Variants in FDX2 observed in about 807,000 individuals in gnomAD.
The protein encoded by FDX2 is ferredoxin-2, mitochondrial.
FDX2 carries 13 observed loss-of-function variants against 18.5 expected under a neutral mutation model. That is an observed-to-expected ratio of 0.70 (90% confidence interval 0.46 to 1.12). FDX2 has a LOEUF of 1.12. Ranked by LOEUF, FDX2 falls within the 50% of genes most tolerant of loss-of-function variation. The pLI is 0.00. For missense variants in FDX2, 238 were observed against 250.4 expected (o/e 0.95, Z 0.34); for synonymous variants, 132 against 106.2 (o/e 1.24, Z -1.49).
rs2040378866 is a variant in FDX2, at chr19:10,315,880, C to T, written c.126G>A (p.Leu42=). Residue 42 remains leucine (L), a synonymous_variant, in exon 1 of 5, where the codon CTG becomes CTA. Transcript: ENST00000393708. ...TCGCTTGAAACTTTCTGGTTGTCCCCAGCGCCACCCCCTCCCCCGACCCGG... is the reference window on the plus strand; with the variant it reads ...TCGCTTGAAACTTTCTGGTTGTCCCTAGCGCCACCCCCTCCCCCGACCCGG... 3 of 1,601,666 alleles carry T rather than the reference C, an allele frequency of 1.9e-6. No individual in the cohort carries two copies. The highest frequency in any genetic ancestry group is 2.6e-6 in the Non-Finnish European group (3 of 1,176,154).
Position 10,313,672 on chromosome 19 carries a change from T to TATATATATATATATATATATATA in FDX2, c.316+1713_316+1714insTATATATATATATATATATATAT, listed in dbSNP as rs1491344383. Among the ~76,000 whole-genome samples the TATATATATATATATATATATATA allele has an allele frequency of 3.5e-4, 8 of 22,724 alleles. 1 individual carries two copies. Among genetic ancestry groups the TATATATATATATATATATATATA allele is most frequent in the African/African-American group, 6.0e-4 (3 of 5,028 alleles). The allele number at this position is 22,724 out of a possible 152,430, so 14.9% of individuals were successfully genotyped here. ...AGACATATATATATATATATATATA[T>TATATATATATATATATATATATA]TTTTTTTTTTTTTTTTTTTTTTTTT... On this transcript the variant is annotated intron_variant, in intron 3 of 4. Coordinates refer to ENST00000393708, the MANE Select transcript of FDX2 (RefSeq NM_001031734.4).
Position 10,315,778 on chromosome 19 carries a change from T to C in FDX2, c.155-19A>G. ...CGCGAGCCTGGAAAACACGGTTCGG[T>C]GAGCGGCTGCGCCGAGCCCCGCCCC... On this transcript the variant is annotated intron_variant, in intron 1 of 4. Transcript: ENST00000393708. The C allele has an allele frequency of 6.2e-7, 1 of 1,603,256 alleles. No individual in the cohort carries two copies. The highest frequency in any genetic ancestry group is 8.5e-7 in the Non-Finnish European group (1 of 1,175,746).
rs60538704 is a variant in FDX2 at position 10,312,172 on chromosome 19, ATTTTTTTT to A, written c.317-1240_317-1233del. 1.3e-3 allele frequency among the ~76,000 whole-genome samples: 104 copies of A among 82,550 alleles called. 2 individuals are homozygous for A. The highest frequency in any genetic ancestry group is 5.2e-4 in the Admixed American group (3 of 5,814). 54.2% of individuals were successfully genotyped at this position (82,550 alleles called of 152,430 possible). A position where few individuals can be genotyped will look rare whatever the true frequency, so the allele number is the denominator to read the frequency against. Reference sequence around the variant, plus strand: ...GGTGTGAGCCACCGCACCTGGCCATATTTTTTTTTTTTTTTTTTTTTTTTGTAGAGACG... The same window carrying A: ...GGTGTGAGCCACCGCACCTGGCCATATTTTTTTTTTTTTTTTGTAGAGACG... On this transcript the variant is annotated intron_variant, in intron 3 of 4. Transcript: ENST00000393708.
At chr19:10,314,521 T>A (rs1186647803) in intron 3 of FDX2, among the ~76,000 whole-genome samples, 1 of 151,372 alleles carries the variant, frequency 6.6e-6, no homozygotes, top group African/African-American at 2.4e-5. Flanking sequence ...TGAGGTATGA[T>A]TGCATCATGG....
rs555333925 is a variant in FDX2, at chr19:10,310,635, C to T, written c.412G>A (p.Asp138Asn). Residue 138 changes from aspartate to asparagine, a missense_variant, in exon 5 of 5, where the codon GAC becomes AAC. Asp to Asn is a conservative substitution (Grantham distance 23). Coordinates refer to ENST00000393708, the MANE Select transcript of FDX2 (RefSeq NM_001031734.4). ...AGGAGGGGGGCCATGTCTAGCATGT[C>T]GTCTTCCCTAGGGTGGTGACACGGG... The T allele has an allele frequency of 1.4e-5, 22 of 1,556,420 alleles. No homozygotes were observed. The highest frequency in any genetic ancestry group is 5.2e-5 in the Admixed American group (3 of 57,580).
rs1241931509 is a variant in FDX2, at chr19:10,315,903, C to T, written c.103G>A (p.Gly35Arg). ...CCCAGCGCCACCCCCTCCCCCGACC[C>T]GGAAGTGCCCCCAGGTCTGTTCCAC... Residue 35 changes from glycine to arginine, a missense_variant, in exon 1 of 5, where the codon GGG (glycine) becomes AGG (arginine). Gly to Arg is a moderately radical substitution (Grantham distance 125). Transcript: ENST00000393708. 1 of 1,607,788 alleles carries T rather than the reference C, an allele frequency of 6.2e-7. No individual in the cohort carries two copies. Among genetic ancestry groups the T allele is most frequent in the Non-Finnish European group, 8.5e-7 (1 of 1,178,240 alleles).
intron 2 of FDX2, 23 bp downstream of exon 2, chr19:10,315,682 G>C: frequency 6.5e-7 from 1 of 1,545,606 alleles, no homozygotes; most frequent in Non-Finnish European, 8.7e-7. Context: ...TGAGGAATGG[G>C]GGACTTGGCC....
Position 10,310,647 on chromosome 19 carries a change from G to C in FDX2, c.405-5C>G. The C allele has an allele frequency of 2.5e-6, 4 of 1,613,470 alleles. No individual in the cohort carries two copies. Among genetic ancestry groups the C allele is most frequent in the Admixed American group, 1.7e-5 (1 of 59,974 alleles). ...ATGTCTAGCATGTCGTCTTCCCTAG[G>C]GTGGTGACACGGGCAGTGTTAGCCG... is the stretch of plus-strand genomic sequence containing the variant. On this transcript the variant is annotated splice_polypyrimidine_tract_variant and splice_region_variant and intron_variant, in intron 4 of 4. Transcript: ENST00000393708.
intron 3 of FDX2, 44 bp from the exon 4 acceptor site, chr19:10,310,984 A>G: frequency 6.9e-7 from 1 of 1,440,134 alleles, no homozygotes; most frequent in Non-Finnish European, 9.6e-7. Flanking sequence ...TGGCAGAGTC[A>G]GGAAGGGGCT....
At position 10,315,979 on chromosome 19, in the gene FDX2, G is replaced by A. The variant is rs781316819; in HGVS notation, c.27C>T (p.Ala9=). Residue 9 remains alanine, a synonymous_variant, in exon 1 of 5, where the codon GCC becomes GCT. Coordinates refer to ENST00000393708, the MANE Select transcript of FDX2 (RefSeq NM_001031734.4). ...GAACCCTGGCACTCACGCCTCCCCG[G>A]GCCATGGAGGCGGCCATGACATGCA... 2.5e-6 allele frequency: 4 copies of A among 1,606,020 alleles called. No individual in the cohort carries two copies. The highest frequency in any genetic ancestry group is 1.1e-5 in the South Asian group (1 of 90,134).
chr19:10,310,972 A>C, intron 3 of FDX2, 32 bp from the exon 4 acceptor site: 7 of 1,530,988 alleles, frequency 4.6e-6, no homozygotes, highest in Non-Finnish European at 6.3e-6. Flanking sequence ...GGCGCAGGTG[A>C]GTGGCAGAGT....
Position 10,315,418 on chromosome 19 carries a change from T to C in FDX2, c.284A>G (p.His95Arg), listed in dbSNP as rs1599294425. The change falls in exon 3 of 5, where the codon CAC becomes CGC. Residue 95 changes from histidine to arginine, a missense_variant. By Grantham distance (29) the His-to-Arg change is conservative. Coordinates refer to ENST00000393708, the MANE Select transcript of FDX2 (RefSeq NM_001031734.4). ...GTCCACCCCGTGGCGCTGGGCCAGGTGAAGAACATTGTCCCCGACTCTGCC... is the reference window on the plus strand; with the variant it reads ...GTCCACCCCGTGGCGCTGGGCCAGGCGAAGAACATTGTCCCCGACTCTGCC... 1 of 1,595,988 alleles carries C rather than the reference T, an allele frequency of 6.3e-7. No individual in the cohort carries two copies. The highest frequency in any genetic ancestry group is 2.3e-5 in the East Asian group (1 of 43,910).
rs1206271302 is a variant in FDX2 at position 10,310,871 on chromosome 19, A to C, written c.386T>G (p.Leu129Arg). Reference sequence around the variant, plus strand: ...CACTCACCTCTCCTCGGGAGGAGGCAGGAGATCCAGGTGGTCTTCACTCAC... The same window carrying C: ...CACTCACCTCTCCTCGGGAGGAGGCCGGAGATCCAGGTGGTCTTCACTCAC... Residue 129 changes from leucine to arginine, a missense_variant, in exon 4 of 5, where the codon CTG becomes CGG. Coordinates refer to ENST00000393708, the MANE Select transcript of FDX2 (RefSeq NM_001031734.4). The C allele has an allele frequency of 2.5e-6, 4 of 1,613,902 alleles. No individual in the cohort carries two copies. Among genetic ancestry groups the C allele is most frequent in the Non-Finnish European group, 3.4e-6 (4 of 1,179,940 alleles).
At chr19:10,311,040 C>T in intron 3 of FDX2, 100 bp from the exon 4 acceptor site, 2 of 779,362 alleles carry the variant, frequency 2.6e-6, no homozygotes, top group Non-Finnish European at 4.1e-6. Context: ...CCACCACGTG[C>T]CTCACGTCTC....
intron 3 of FDX2, among the ~76,000 whole-genome samples, chr19:10,311,445 T>C (rs2040323424): frequency 6.6e-6 from 1 of 151,354 alleles, no homozygotes; most frequent in African/African-American, 2.4e-5. Flanking sequence ...TTGCCCAGGC[T>C]GGAGTGCAGT....
chr19:10,310,939 C>A lies in FDX2; in HGVS notation c.318G>T (p.Gly106=). The change falls in exon 4 of 5, where the codon GGG becomes GGT. Residue 106 remains glycine, a splice_region_variant and synonymous_variant. Coordinates refer to ENST00000393708, the MANE Select transcript of FDX2 (RefSeq NM_001031734.4). ...AGCAGGCCAGGGAGGCTTCACAGGC[C>A]CCTAGGGGTGGGAAGTGAAGGGGGC... 1 of 1,609,414 alleles carries A rather than the reference C, an allele frequency of 6.2e-7. No homozygotes were observed. Among genetic ancestry groups the A allele is most frequent in the Non-Finnish European group, 8.5e-7 (1 of 1,177,694 alleles).
chr19:10,311,001 C>T (rs963685285), intron 3 of FDX2, 61 bp from the exon 4 acceptor site: 17 of 1,284,954 alleles, frequency 1.3e-5, no homozygotes, highest in African/African-American at 2.9e-5. Context: ...GGCTGCTATG[C>T]GAATGGCGTA....
Position 10,315,390 on chromosome 19 carries a change from C to G in FDX2, c.312G>C (p.Leu104=), listed in dbSNP as rs148894186. ...TTCCCTCTGCCCGGTTCCTACCTTC[C>G]AGGTCCACCCCGTGGCGCTGGGCCA... Residue 104 remains leucine, a synonymous_variant, in exon 3 of 5, where the codon CTG becomes CTC. Transcript: ENST00000393708. The G allele has an allele frequency of 6.8e-6, 11 of 1,607,580 alleles. No homozygotes were observed.
At position 10,310,895 on chromosome 19, in the gene FDX2, A is replaced by G; in HGVS notation, c.362T>C (p.Val121Ala). 6.2e-7 allele frequency: 1 copy of G among 1,613,828 alleles called. No homozygotes were observed. The highest frequency in any genetic ancestry group is 8.5e-7 in the Non-Finnish European group (1 of 1,179,898). Reference sequence around the variant, plus strand: ...CAGGAGATCCAGGTGGTCTTCACTCACATACACATGGCAGGTGGAGCAGGC... The same window carrying G: ...CAGGAGATCCAGGTGGTCTTCACTCGCATACACATGGCAGGTGGAGCAGGC... The change falls in exon 4 of 5, where the codon GTG (valine) becomes GCG (alanine). Residue 121 changes from valine to alanine, a missense_variant. Transcript: ENST00000393708.
Sources: allele counts gnomAD v4.1 joint callset (sites outside exome capture counted in the v4.1 genomes callset), GRCh38; gene constraint gnomAD v4.1.1; transcripts MANE v1.5; gene names NCBI Gene and HGNC (gene_info 2026-07-23, HGNC 2026-07-21).